The following SCFD2 variants were observed in gnomAD, a reference collection of about 807,000 sequenced individuals.
SCFD2 encodes sec1 family domain-containing protein 2.
Under a neutral mutation model 58.9 loss-of-function variants are expected in SCFD2, and 54 were observed. The observed-to-expected ratio is 0.92, with a 90% CI of 0.74 to 1.15. The LOEUF (loss-of-function observed/expected upper bound fraction) is 1.15. Among genes scored for constraint, SCFD2 ranks in the 50% most tolerant of loss-of-function variants. The pLI, the probability that SCFD2 is intolerant of heterozygous loss-of-function variation, is 0.00. For synonymous variants in SCFD2, 321 were observed against 335.9 expected (o/e 0.96, Z 0.49); for missense variants, 805 against 836.6 (o/e 0.96, Z 0.47).
chr4:52,953,374 A>T (rs1720643239), intron 5 of SCFD2, among the ~76,000 whole-genome samples: 1 of 152,234 alleles, frequency 6.6e-6, no homozygotes, highest in Non-Finnish European at 1.5e-5. Context: ...CCTCAAGTAG[A>T]CCAAAAAGGG....
intron 3 of SCFD2, among the ~76,000 whole-genome samples, chr4:53,313,251 C>T (rs1343666372): frequency 2.0e-5 from 3 of 151,712 alleles, no homozygotes; most frequent in Non-Finnish European, 2.9e-5. Context: ...GTCACTAATT[C>T]GAAAGTAATA....
intron 5 of SCFD2, among the ~76,000 whole-genome samples, chr4:53,075,413 C>G (rs1352691437): frequency 6.6e-6 from 1 of 152,176 alleles, no homozygotes; most frequent in African/African-American, 2.4e-5. Context: ...GGAGCACTTT[C>G]AATTTCCTTC....
intron 4 of SCFD2, among the ~76,000 whole-genome samples, chr4:53,154,418 A>G (rs73143452): frequency 0.035 from 5,392 of 152,058 alleles, 331 homozygotes; most frequent in African/African-American, 0.12. Flanking sequence ...TCTCACATAA[A>G]CTCTGAGCAA....
At chr4:52,883,397 A>C (rs1166688928) in intron 8 of SCFD2, among the ~76,000 whole-genome samples, 1 of 152,194 alleles carries the variant, frequency 6.6e-6, no homozygotes, top group Non-Finnish European at 1.5e-5. Flanking sequence ...CTGCCTGAGG[A>C]ATCTTCCTAG....
At chr4:52,897,506 C>T (rs893269000) in intron 7 of SCFD2, among the ~76,000 whole-genome samples, 2 of 152,110 alleles carry the variant, frequency 1.3e-5, no homozygotes, top group Non-Finnish European at 2.9e-5. Context: ...AGGGATGAAG[C>T]CCAGTTGATC....
chr4:52,944,231 C>T (rs1720363145), intron 5 of SCFD2, among the ~76,000 whole-genome samples: 1 of 152,140 alleles, frequency 6.6e-6, no homozygotes, highest in Non-Finnish European at 1.5e-5. Flanking sequence ...TTTATTCATA[C>T]AAATTATGTA....
intron 5 of SCFD2, among the ~76,000 whole-genome samples, chr4:53,100,668 A>G (rs1044048135): frequency 1.3e-5 from 2 of 152,302 alleles, no homozygotes; most frequent in Non-Finnish European, 2.9e-5. Context: ...GAACAGACAC[A>G]TAAGGCTCCC....
chr4:53,207,147 T>C (rs1365925890), intron 4 of SCFD2, among the ~76,000 whole-genome samples: 1 of 151,804 alleles, frequency 6.6e-6, no homozygotes, highest in African/African-American at 2.4e-5. Flanking sequence ...TGATAATACA[T>C]TAATCCATTA....
chr4:53,043,331 T>A (rs1722945452), intron 5 of SCFD2, among the ~76,000 whole-genome samples: 1 of 152,124 alleles, frequency 6.6e-6, no homozygotes, highest in Non-Finnish European at 1.5e-5. Context: ...AATTAAAGCA[T>A]CTGATTAGGC....
chr4:52,923,477 CAAATAAATAAAT>C (rs57571099), intron 5 of SCFD2, among the ~76,000 whole-genome samples: 35 of 134,430 alleles, frequency 2.6e-4, no homozygotes, highest in Admixed American at 1.3e-3. Flanking sequence ...GACTGCATCT[CAAATAAATAAAT>C]AAATAAATAA....
At chr4:53,065,298 A>C (rs1363478495) in intron 5 of SCFD2, among the ~76,000 whole-genome samples, 2 of 152,152 alleles carry the variant, frequency 1.3e-5, no homozygotes, top group Non-Finnish European at 2.9e-5. Flanking sequence ...TCAAGGATAC[A>C]GACCAGGGAA....
chr4:53,082,097 G>A (rs1724165742), intron 5 of SCFD2, among the ~76,000 whole-genome samples: 1 of 152,114 alleles, frequency 6.6e-6, no homozygotes, highest in Non-Finnish European at 1.5e-5. Context: ...CCATTCATCA[G>A]TTGCTGAACA....
chr4:53,141,373 C>A (rs1237045068), intron 5 of SCFD2, among the ~76,000 whole-genome samples: 2 of 152,166 alleles, frequency 1.3e-5, no homozygotes, highest in African/African-American at 2.4e-5. Flanking sequence ...TAACTGCAAT[C>A]ATCTGAATTA....
intron 8 of SCFD2, 132 bp from the exon 9 acceptor site, chr4:52,874,193 T>C (rs571389060): frequency 1.1e-5 from 7 of 662,498 alleles, no homozygotes; most frequent in Non-Finnish European, 1.6e-5. Flanking sequence ...GAAGGAAAAG[T>C]AGAAGGCAGC....
chr4:53,216,156 C>T (rs985819718), intron 4 of SCFD2, among the ~76,000 whole-genome samples: 3 of 152,150 alleles, frequency 2.0e-5, no homozygotes, highest in African/African-American at 7.2e-5. Flanking sequence ...TGATGCTGGC[C>T]TCATAAAATG....
chr4:53,185,807 A>T (rs1368309348), intron 4 of SCFD2, among the ~76,000 whole-genome samples: 2 of 152,084 alleles, frequency 1.3e-5, no homozygotes, highest in Non-Finnish European at 2.9e-5. Flanking sequence ...TCAAAATAAA[A>T]GCATAATATA....
intron 5 of SCFD2, among the ~76,000 whole-genome samples, chr4:52,991,335 A>G (rs887339621): frequency 1.3e-5 from 2 of 152,224 alleles, no homozygotes; most frequent in African/African-American, 4.8e-5. Flanking sequence ...TAAGTTGTCA[A>G]AGTTTTAATG....
intron 5 of SCFD2, among the ~76,000 whole-genome samples, chr4:52,925,069 A>T (rs985843411): frequency 1.2e-4 from 19 of 152,132 alleles, no homozygotes; most frequent in Non-Finnish European, 1.9e-4. Context: ...ACAGACACCT[A>T]ATGTGCTAGG....
intron 5 of SCFD2, among the ~76,000 whole-genome samples, chr4:53,069,897 C>A (rs985512966): frequency 6.6e-6 from 1 of 152,030 alleles, no homozygotes; most frequent in Non-Finnish European, 1.5e-5. Flanking sequence ...TAATAATATA[C>A]ATATACATCT....
Sources: allele counts gnomAD v4.1 joint callset (sites outside exome capture counted in the v4.1 genomes callset), GRCh38; gene constraint gnomAD v4.1.1; transcripts MANE v1.5; gene names NCBI Gene and HGNC (gene_info 2026-07-23, HGNC 2026-07-21).